Variants in COX10 observed in about 807,000 individuals in gnomAD.
COX10 encodes protoheme IX farnesyltransferase, mitochondrial.
In COX10, 27 loss-of-function variants were observed where a neutral mutation model predicts 37.3. That is an observed-to-expected ratio of 0.72 (90% CI 0.53 to 1.00). The LOEUF (loss-of-function observed/expected upper bound fraction) is 1.00. Ranked by LOEUF, COX10 falls within the 50% of genes least tolerant of loss-of-function variation. COX10 has a pLI of 0.00. For missense variants in COX10, 475 were observed against 563.2 expected, an observed-to-expected ratio of 0.84 and a Z score of 1.59; for synonymous variants, 222 against 229.1, an observed-to-expected ratio of 0.97 and a Z score of 0.28.
At chr17:14,075,588 A>G (rs1023730335) in intron 2 of COX10, among the ~76,000 whole-genome samples, 1 of 152,194 alleles carries the variant, frequency 6.6e-6, no homozygotes, top group Non-Finnish European at 1.5e-5. Flanking sequence ...TATATTATAT[A>G]AAACTGTAAA....
intron 4 of COX10, among the ~76,000 whole-genome samples, chr17:14,147,668 G>A (rs772752971): frequency 6.6e-6 from 1 of 151,884 alleles, no homozygotes; most frequent in Non-Finnish European, 1.5e-5. Flanking sequence ...CAAAAGATAA[G>A]TGTTTGAGGG....
chr17:14,122,827 G>T (rs1916258910), intron 4 of COX10, among the ~76,000 whole-genome samples: 1 of 152,162 alleles, frequency 6.6e-6, no homozygotes, highest in Non-Finnish European at 1.5e-5. Flanking sequence ...TTATGCATTA[G>T]CCAGAAACTA....
intron 5 of COX10, among the ~76,000 whole-genome samples, chr17:14,185,139 T>G (rs923915848): frequency 1.3e-5 from 2 of 152,132 alleles, no homozygotes; most frequent in Admixed American, 6.5e-5. Context: ...GTAAAAGGAC[T>G]AATAAAAAAA....
At chr17:14,146,692 G>C (rs1597520805) in intron 4 of COX10, among the ~76,000 whole-genome samples, 1 of 152,126 alleles carries the variant, frequency 6.6e-6, no homozygotes, top group Non-Finnish European at 1.5e-5. Context: ...CATCAACAAA[G>C]TGAAGAGACA....
intron 2 of COX10, among the ~76,000 whole-genome samples, chr17:14,074,896 C>T (rs1915106654): frequency 6.6e-6 from 1 of 152,188 alleles, no homozygotes; most frequent in South Asian, 2.1e-4. Context: ...TGAGTAAATT[C>T]AAACAATTCG....
chr17:14,158,253 A>G (rs1301451124), intron 4 of COX10, among the ~76,000 whole-genome samples: 1 of 151,990 alleles, frequency 6.6e-6, no homozygotes, highest in Non-Finnish European at 1.5e-5. Flanking sequence ...AATTAAAAGT[A>G]GGTAGTTTGT....
At chr17:14,108,297 A>T (rs2036424077) in intron 4 of COX10, among the ~76,000 whole-genome samples, 1 of 152,186 alleles carries the variant, frequency 6.6e-6, no homozygotes, top group Admixed American at 6.5e-5. Context: ...ACATTAGATC[A>T]TTTGTTTGAG....
intron 4 of COX10, among the ~76,000 whole-genome samples, chr17:14,127,898 T>C (rs550593144): frequency 6.6e-6 from 1 of 150,502 alleles, no homozygotes; most frequent in Admixed American, 6.7e-5. Flanking sequence ...GCATTTTTAA[T>C]AGTAATTTGA....
At position 14,102,192 on chromosome 17, in the gene COX10, A is replaced by G. The variant is rs766287529; in HGVS notation, c.574A>G (p.Thr192Ala). 8 of 1,613,730 alleles carry G rather than the reference A, an allele frequency of 5.0e-6. No homozygotes were observed. Among genetic ancestry groups the G allele is most frequent in the Non-Finnish European group, 5.1e-6 (6 of 1,179,776 alleles). Residue 192 changes from threonine (T) to alanine (A), a missense_variant, in exon 4 of 7, where the codon ACT (threonine) becomes GCT (alanine). Thr to Ala is a moderately conservative substitution (Grantham distance 58, BLOSUM62 0). Coordinates refer to ENST00000261643, the MANE Select transcript of COX10 (RefSeq NM_001303.4). Reference protein sequence around the residue: ...GPFDWPCFLLTSVGTGLASCA... With the variant: ...GPFDWPCFLLASVGTGLASCA... ...TTTTGACTGGCCCTGTTTCCTGCTT[A>G]CTTCTGTTGGGACAGGCCTTGCATC...
At chr17:14,199,305 G>A (rs777087407) in intron 6 of COX10, among the ~76,000 whole-genome samples, 60 of 152,330 alleles carry the variant, frequency 3.9e-4, no homozygotes, top group Middle Eastern at 6.8e-3. Context: ...CAGAGTGCAC[G>A]TGTAACTAGT....
chr17:14,194,852 C>T (rs1024083616), intron 6 of COX10, among the ~76,000 whole-genome samples: 1 of 152,194 alleles, frequency 6.6e-6, no homozygotes, highest in Non-Finnish European at 1.5e-5. Flanking sequence ...AATGAAAGTA[C>T]GTATTTGTCT....
chr17:14,190,726 G>T (rs190472433), intron 5 of COX10, among the ~76,000 whole-genome samples: 1 of 151,920 alleles, frequency 6.6e-6, no homozygotes, highest in Non-Finnish European at 1.5e-5. Flanking sequence ...CCAGCTGCTG[G>T]GCTCTCCTCT....
At chr17:14,124,565 A>T (rs1916294737) in intron 4 of COX10, among the ~76,000 whole-genome samples, 1 of 152,060 alleles carries the variant, frequency 6.6e-6, no homozygotes, top group African/African-American at 2.4e-5. Context: ...TGCACATGTA[A>T]TTTGTTAATG....
intron 5 of COX10, among the ~76,000 whole-genome samples, chr17:14,186,983 A>AG (rs1345872426): frequency 1.9e-5 from 2 of 103,624 alleles, no homozygotes; most frequent in Non-Finnish European, 4.4e-5. Context: ...TCTTATTTTA[A>AG]GGTTTTTTTT....
chr17:14,194,481 C>T (rs1231784124), intron 6 of COX10, among the ~76,000 whole-genome samples: 3 of 152,156 alleles, frequency 2.0e-5, no homozygotes, highest in Non-Finnish European at 4.4e-5. Context: ...GGCTGGAGTG[C>T]AGTGGTGCGA....
intron 4 of COX10, among the ~76,000 whole-genome samples, chr17:14,103,784 G>A (rs1391363289): frequency 6.6e-6 from 1 of 152,176 alleles, no homozygotes; most frequent in East Asian, 1.9e-4. Flanking sequence ...TTGAACATAA[G>A]CCAAGGTTTT....
chr17:14,118,175 C>T (rs1392019198), intron 4 of COX10, among the ~76,000 whole-genome samples: 4 of 150,998 alleles, frequency 2.6e-5, no homozygotes, highest in Non-Finnish European at 5.9e-5. Flanking sequence ...AGGTGGGCAT[C>T]GCAGGCCAAA....
intron 4 of COX10, among the ~76,000 whole-genome samples, chr17:14,151,257 A>G (rs1024246739): frequency 6.6e-6 from 1 of 152,190 alleles, no homozygotes; most frequent in Non-Finnish European, 1.5e-5. Flanking sequence ...AAGTAGCAGC[A>G]TGAGTTCTGA....
chr17:14,194,763 A>G (rs1234250423), intron 6 of COX10, among the ~76,000 whole-genome samples: 2 of 152,190 alleles, frequency 1.3e-5, no homozygotes, highest in African/African-American at 4.8e-5. Flanking sequence ...GTCTTTCTAT[A>G]ATACAGATTT....
Sources: gnomAD v4.1 joint callset for allele counts (sites outside exome capture counted in the v4.1 genomes callset) on GRCh38, gnomAD v4.1.1 for gene constraint, MANE v1.5 for transcripts, NCBI Gene and HGNC (gene_info 2026-07-23, HGNC 2026-07-21) for gene names.